Variants in PPP4C observed in about 807,000 individuals in gnomAD.
PPP4C encodes serine/threonine-protein phosphatase 4 catalytic subunit.
In PPP4C, 10 loss-of-function variants were observed where a neutral mutation model predicts 40.5. That is an observed-to-expected ratio of 0.25 (90% CI 0.15 to 0.42). PPP4C has a LOEUF of 0.42. Ranked by LOEUF, PPP4C falls within the 10% of genes least tolerant of loss-of-function variation. The pLI is 1.00. For synonymous variants in PPP4C, 187 were observed against 163.6 expected, an observed-to-expected ratio of 1.14 and a Z score of -1.09; for missense variants, 191 against 416.4, an observed-to-expected ratio of 0.46 and a Z score of 4.71.
At chr16:30,080,268 C>T (rs1343403502) in intron 2 of PPP4C, among the ~76,000 whole-genome samples, 1 of 146,544 alleles carries the variant, frequency 6.8e-6, no homozygotes, top group Non-Finnish European at 1.5e-5. Flanking sequence ...TCACTTGACC[C>T]AGGAAGCAGA....
Position 30,081,108 on chromosome 16 carries a change from G to A in PPP4C, c.99-151G>A, listed in dbSNP as rs72791229. ...GAAGGGTGTTGCATGCTGAAGGGCCGTGGTCAGCCTGTTTTGGGGAGACTG... is the reference window on the plus strand; with the variant it reads ...GAAGGGTGTTGCATGCTGAAGGGCCATGGTCAGCCTGTTTTGGGGAGACTG... On this transcript the variant is annotated intron_variant, in intron 2 of 8. Coordinates refer to ENST00000279387, the MANE Select transcript of PPP4C (RefSeq NM_002720.3). 7.9e-4 allele frequency: 823 copies of A among 1,035,788 alleles called. 2 individuals are homozygous for A. Among genetic ancestry groups the A allele is most frequent in the Non-Finnish European group, 1.1e-3 (722 of 681,224 alleles). 64.2% of individuals were successfully genotyped at this position (1,035,788 alleles called of 1,614,324 possible).
At position 30,085,155 on chromosome 16, in the gene PPP4C, G is replaced by T; in HGVS notation, c.*93G>T. Reference sequence around the variant, plus strand: ...CAGACGGAGGCTGGGCGTGGGGGGGGCTGTCCTGGCTCTGCTGTCCCCCAA... The same window carrying T: ...CAGACGGAGGCTGGGCGTGGGGGGGTCTGTCCTGGCTCTGCTGTCCCCCAA... On this transcript the variant is annotated 3_prime_UTR_variant, in exon 9 of 9. Transcript: ENST00000279387. 6.7e-7 allele frequency: 1 copy of T among 1,493,296 alleles called. No individual in the cohort carries two copies. 92.5% of individuals were successfully genotyped at this position (1,493,296 alleles called of 1,614,324 possible). A position where few individuals can be genotyped will look rare whatever the true frequency, so the allele number is the denominator to read the frequency against.
In PPP4C at chr16:30,084,657, C is replaced by G. The variant is rs1245532331; in HGVS notation, c.605-9C>G. 8 of 1,613,222 alleles carry G rather than the reference C, an allele frequency of 5.0e-6. No homozygotes were observed. In the African/African-American group the frequency reaches 5.3e-5, roughly 11 times the overall value. ...GACATCCCTCTCCATCCCTCCCTTTCCGCATCAGACACCACAGGCTGGGGC... is the reference window on the plus strand; with the variant it reads ...GACATCCCTCTCCATCCCTCCCTTTGCGCATCAGACACCACAGGCTGGGGC... On this transcript the variant is annotated splice_polypyrimidine_tract_variant and intron_variant, in intron 7 of 8. Coordinates refer to ENST00000279387, the MANE Select transcript of PPP4C (RefSeq NM_002720.3).
At position 30,076,319 on chromosome 16, in the gene PPP4C, C is replaced by T. The variant is rs1015672124; in HGVS notation, c.-59C>T. Reference sequence around the variant, plus strand: ...GCTCGTCTTGGCCTTTCCCAGGAGACCCCTGTGCGGTGCGGAGGGGGCGGC... The same window carrying T: ...GCTCGTCTTGGCCTTTCCCAGGAGATCCCTGTGCGGTGCGGAGGGGGCGGC... On this transcript the variant is annotated 5_prime_UTR_variant, in exon 2 of 9. Transcript: ENST00000279387. 2 of 1,559,008 alleles carry T rather than the reference C, an allele frequency of 1.3e-6. No homozygotes were observed. The highest frequency in any genetic ancestry group is 1.4e-5 in the African/African-American group (1 of 73,638).
chr16:30,077,939 G>A (rs2072433155), intron 2 of PPP4C, among the ~76,000 whole-genome samples: 1 of 152,214 alleles, frequency 6.6e-6, no homozygotes, highest in South Asian at 2.1e-4. Context: ...GGGATGATGA[G>A]CAGGGTCGGC....
Position 30,085,336 on chromosome 16 carries a change from GA to G in PPP4C, c.*282del, listed in dbSNP as rs1323209866. 9 of 322,650 alleles carry G rather than the reference GA, an allele frequency of 2.8e-5. No homozygotes were observed. Among genetic ancestry groups the G allele is most frequent in the East Asian group, 5.3e-5 (1 of 18,970 alleles). The allele number at this position is 322,650 out of a possible 1,614,324, so 20.0% of individuals were successfully genotyped here. ...GTTTGTTTTTAGATAAAAATTTTGA[GA>G]AAAAAAATGAAAAAATTCTAATAAA... On this transcript the variant is annotated 3_prime_UTR_variant, in exon 9 of 9. Coordinates refer to ENST00000279387, the MANE Select transcript of PPP4C (RefSeq NM_002720.3).
At chr16:30,081,536 G>A (rs1226767309) in intron 3 of PPP4C, 1 of 416,216 alleles carries the variant, frequency 2.4e-6, no homozygotes, top group East Asian at 3.9e-5. Context: ...CTTGAGGTTA[G>A]GAGTTCGAGA....
chr16:30,082,191 G>T (rs1596836802), intron 3 of PPP4C, among the ~76,000 whole-genome samples: 1 of 152,236 alleles, frequency 6.6e-6, no homozygotes, highest in South Asian at 2.1e-4. Flanking sequence ...AGGGCTCTGT[G>T]TTAGTAACTT....
Position 30,083,572 on chromosome 16 carries a change from G to A in PPP4C, c.477+5G>A, listed in dbSNP as rs2072551215. On this transcript the variant is annotated splice_donor_5th_base_variant and intron_variant, in intron 6 of 8. Transcript: ENST00000279387. This position sits in a 1 kb window ranked among gnomAD's most constrained non-coding sequence, Gnocchi z 6.3. ...TCAGCCATCATCGATGGCAAGGTAA[G>A]CCAGCCCAGGGCTCCATGGGACAGG... is the stretch of plus-strand genomic sequence containing the variant. The A allele has an allele frequency of 6.2e-7, 1 of 1,613,960 alleles. No individual in the cohort carries two copies. Among genetic ancestry groups the A allele is most frequent in the Non-Finnish European group, 8.5e-7 (1 of 1,179,982 alleles).
intron 2 of PPP4C, among the ~76,000 whole-genome samples, chr16:30,080,905 G>T (rs1244355664): frequency 6.6e-6 from 1 of 152,156 alleles, no homozygotes. Context: ...ATTGGCCAAG[G>T]GTGACTTAAG....
chr16:30,084,555 C>T (rs1048983837), intron 7 of PPP4C, 111 bp from the exon 8 acceptor site: 227 of 959,850 alleles, frequency 2.4e-4, no homozygotes, highest in Non-Finnish European at 3.5e-4. Context: ...TCTGGTCCCA[C>T]GGGCCTCTGG....
In PPP4C at chr16:30,083,321, G is replaced by A. The variant is rs893659724; in HGVS notation, c.304-73G>A. 38 of 1,509,898 alleles carry A rather than the reference G, an allele frequency of 2.5e-5. No homozygotes were observed. Among genetic ancestry groups the A allele is most frequent in the Non-Finnish European group, 3.4e-5 (38 of 1,113,552 alleles). The allele number at this position is 1,509,898 out of a possible 1,614,324, so 93.5% of individuals were successfully genotyped here. ...GGTTGTGAGGATGGCAGGCTGGCGG[G>A]CACGAGGAGGTCAGAGAGGGATGTG... is the stretch of plus-strand genomic sequence containing the variant. On this transcript the variant is annotated intron_variant, in intron 5 of 8. Transcript: ENST00000279387. This position sits in a 1 kb window ranked among gnomAD's most constrained non-coding sequence, Gnocchi z 6.3.
chr16:30,081,119 G>A, intron 2 of PPP4C, 140 bp from the exon 3 acceptor site: 1 of 1,218,928 alleles, frequency 8.2e-7, no homozygotes, highest in Non-Finnish European at 1.2e-6. Flanking sequence ...TGGTCAGCCT[G>A]TTTTGGGGAG....
intron 2 of PPP4C, among the ~76,000 whole-genome samples, chr16:30,080,235 C>G (rs1230438837): frequency 1.3e-5 from 2 of 150,458 alleles, no homozygotes; most frequent in African/African-American, 2.4e-5. Context: ...ATCCCAGCTA[C>G]TCGGGAGGTT....
Position 30,076,402 on chromosome 16 carries a change from C to T in PPP4C, c.25C>T (p.Arg9Trp), listed in dbSNP as rs890980763. MAEISDLDRQIEQLRRCEL... is the reference protein window; with the variant it reads MAEISDLDWQIEQLRRCEL... Reference sequence around the variant, plus strand: ...CATGGCGGAGATCAGCGACCTGGACCGGCAGATCGAGCAGCTGCGTCGCTG... The same window carrying T: ...CATGGCGGAGATCAGCGACCTGGACTGGCAGATCGAGCAGCTGCGTCGCTG... Residue 9 changes from arginine (R) to tryptophan (W), a missense_variant, in exon 2 of 9, where the codon CGG (arginine) becomes TGG (tryptophan). Arg to Trp is a moderately radical substitution (Grantham distance 101, BLOSUM62 -3). Around this residue, in one of 3 missense-constraint regions of PPP4C, gnomAD observed 171 missense variants for 352.4 expected, o/e 0.49. Coordinates refer to ENST00000279387, the MANE Select transcript of PPP4C (RefSeq NM_002720.3). 1 of 1,613,214 alleles carries T rather than the reference C, an allele frequency of 6.2e-7. No individual in the cohort carries two copies. Among genetic ancestry groups the T allele is most frequent in the Non-Finnish European group, 8.5e-7 (1 of 1,179,796 alleles).
At chr16:30,080,984 CA>C (rs1011927078) in intron 2 of PPP4C, among the ~76,000 whole-genome samples, 8 of 152,138 alleles carry the variant, frequency 5.3e-5, no homozygotes, top group African/African-American at 1.9e-4. Context: ...GAGGGAGCGG[CA>C]GGGGGAGTCA....
chr16:30,080,495 A>G (rs1389457940), intron 2 of PPP4C, among the ~76,000 whole-genome samples: 1 of 149,902 alleles, frequency 6.7e-6, no homozygotes, highest in Non-Finnish European at 1.5e-5. Context: ...ACACATGGCA[A>G]GAGCACCTCA....
chr16:30,076,740 CATCTGTCGGGGGACGGA>C (rs2072408951), intron 2 of PPP4C, among the ~76,000 whole-genome samples: 1 of 152,138 alleles, frequency 6.6e-6, no homozygotes, highest in South Asian at 2.1e-4. Flanking sequence ...GAAACAAGTC[CATCTGTCGGGGGACGGA>C]AGCTTGTTGG....
chr16:30,078,815 CT>C (rs1390775340), intron 2 of PPP4C, among the ~76,000 whole-genome samples: 1 of 152,246 alleles, frequency 6.6e-6, no homozygotes, highest in Non-Finnish European at 1.5e-5. Context: ...CGTCAAGTCA[CT>C]TTCTGATTTT....
Sources: gnomAD v4.1 joint callset for allele counts (sites outside exome capture counted in the v4.1 genomes callset) on GRCh38, gnomAD v4.1.1 for gene constraint, gnomAD v4.1.1 regional missense constraint, Gnocchi (gnomAD v3.1) non-coding constraint, MANE v1.5 for transcripts, NCBI Gene and HGNC (gene_info 2026-07-23, HGNC 2026-07-21) for gene names.